Variants in CDH6 observed in about 807,000 individuals in gnomAD.
CDH6 encodes cadherin 6.
In CDH6, 31 loss-of-function variants were observed where a neutral mutation model predicts 78.0. That is an observed-to-expected ratio of 0.40 (90% confidence interval 0.30 to 0.54). The LOEUF is 0.54. Among genes scored for constraint, CDH6 ranks in the 20% least tolerant of loss-of-function variants. CDH6 has a pLI of 0.56. For synonymous variants in CDH6, 376 were observed against 368.8 expected (o/e 1.02, Z -0.23); for missense variants, 724 against 975.9 (o/e 0.74, Z 3.44).
At chr5:31,305,690 T>A (rs77070278) in intron 7 of CDH6, among the ~76,000 whole-genome samples, 6 of 152,280 alleles carry the variant, frequency 3.9e-5, no homozygotes, top group Non-Finnish European at 7.4e-5. Context: ...AATCCGGAAG[T>A]TCCTTATAGG....
chr5:31,207,537 C>T (rs1740564753), intron 1 of CDH6, among the ~76,000 whole-genome samples: 1 of 152,196 alleles, frequency 6.6e-6, no homozygotes, highest in South Asian at 2.1e-4. Flanking sequence ...ACTGTAAAAA[C>T]ATCTTTTCAA....
At chr5:31,237,334 G>A (rs1741479854) in intron 1 of CDH6, among the ~76,000 whole-genome samples, 1 of 152,128 alleles carries the variant, frequency 6.6e-6, no homozygotes, top group South Asian at 2.1e-4. Flanking sequence ...GATGGCGATA[G>A]CCACATGGTT....
chr5:31,281,241 T>A (rs1294746998), intron 2 of CDH6, among the ~76,000 whole-genome samples: 1 of 151,698 alleles, frequency 6.6e-6, no homozygotes, highest in East Asian at 1.9e-4. Context: ...AATTATCATA[T>A]CTCAAATGCC....
chr5:31,201,385 C>T (rs1740344732), intron 1 of CDH6, among the ~76,000 whole-genome samples: 1 of 151,820 alleles, frequency 6.6e-6, no homozygotes, highest in South Asian at 2.1e-4. Context: ...TCAGTGATTC[C>T]CCAGGAGACC....
intron 1 of CDH6, among the ~76,000 whole-genome samples, chr5:31,236,279 T>C (rs183572362): frequency 3.3e-5 from 5 of 152,312 alleles, no homozygotes; most frequent in African/African-American, 1.2e-4. Flanking sequence ...TCACATCAAT[T>C]ATCCTCATTG....
intron 4 of CDH6, among the ~76,000 whole-genome samples, chr5:31,299,136 T>C (rs1449197515): frequency 6.6e-6 from 1 of 152,228 alleles, no homozygotes; most frequent in Non-Finnish European, 1.5e-5. Flanking sequence ...TGCTGTGTCA[T>C]CTTATAACAC....
chr5:31,294,348 T>C lies in CDH6; in HGVS notation c.523+92T>C. On this transcript the variant is annotated intron_variant, in intron 3 of 11. Transcript: ENST00000265071. The surrounding 1 kb of genome is among the most constrained non-coding windows in gnomAD (Gnocchi z 4.1). ...CACGAGCTCAAAGTACTGAACTGCA[T>C]GAATTTAGATGCTAACTTCTTCAAT... is the stretch of plus-strand genomic sequence containing the variant. 1 of 948,690 alleles carries C rather than the reference T, an allele frequency of 1.1e-6. No homozygotes were observed. The highest frequency in any genetic ancestry group is 1.6e-6 in the Non-Finnish European group (1 of 613,388). The allele number at this position is 948,690 out of a possible 1,614,324, so 58.8% of individuals were successfully genotyped here. A position where few individuals can be genotyped will look rare whatever the true frequency, so the allele number is the denominator to read the frequency against.
intron 1 of CDH6, among the ~76,000 whole-genome samples, chr5:31,207,087 T>G (rs1220787309): frequency 6.6e-6 from 1 of 152,132 alleles, no homozygotes; most frequent in African/African-American, 2.4e-5. Context: ...AATTTAGGAT[T>G]GAGGTGATAG....
chr5:31,317,579 A>G, intron 10 of CDH6, 87 bp downstream of exon 10: 3 of 1,534,564 alleles, frequency 2.0e-6, no homozygotes, highest in Non-Finnish European at 2.7e-6. Flanking sequence ...GTATATGTAC[A>G]TATCTGTATC....
chr5:31,325,195 A>G lies in CDH6; in HGVS notation c.*1887A>G, dbSNP rs1325234793. On this transcript the variant is annotated 3_prime_UTR_variant, in exon 12 of 12. Transcript: ENST00000265071. ...AGTGAAAATTTTTTACAATCATATT[A>G]TTCCTTGTGTCTTCTGAATGGTTTC... The G allele has an allele frequency of 4.4e-6, 1 of 228,906 alleles. No homozygotes were observed. Among genetic ancestry groups the G allele is most frequent in the Non-Finnish European group, 8.7e-6 (1 of 115,400 alleles). The allele number at this position is 228,906 out of a possible 1,614,324, so 14.2% of individuals were successfully genotyped here.
chr5:31,323,149 C>T lies in CDH6; in HGVS notation c.2214C>T (p.Tyr738=), dbSNP rs778720220. 1.9e-6 allele frequency: 3 copies of T among 1,614,198 alleles called. No homozygotes were observed. Among genetic ancestry groups the T allele is most frequent in the Non-Finnish European group, 1.7e-6 (2 of 1,180,020 alleles). ...TAPPYDSLAT[Y]AYEGTGSVAD... ...CGCCATACGACTCCTTGGCCACTTA[C>T]GCCTATGAAGGCACTGGCTCCGTGG... The change falls in exon 12 of 12, where the codon TAC becomes TAT. Residue 738 remains tyrosine, a synonymous_variant. Transcript: ENST00000265071.
At chr5:31,262,790 T>A (rs575261319) in intron 1 of CDH6, among the ~76,000 whole-genome samples, 6 of 152,190 alleles carry the variant, frequency 3.9e-5, no homozygotes, top group Non-Finnish European at 8.8e-5. Flanking sequence ...ATTTACTTCC[T>A]GACATCTACA....
At chr5:31,270,720 G>A (rs1016200528) in intron 2 of CDH6, among the ~76,000 whole-genome samples, 1 of 151,070 alleles carries the variant, frequency 6.6e-6, no homozygotes, top group African/African-American at 2.4e-5. Context: ...TTTTTGAGCT[G>A]GGGTCTTGCT....
In CDH6 at chr5:31,297,339, G is replaced by T; in HGVS notation, c.574G>T (p.Gly192Trp). 1 of 1,609,412 alleles carries T rather than the reference G, an allele frequency of 6.2e-7. No individual in the cohort carries two copies. Among genetic ancestry groups the T allele is most frequent in the Non-Finnish European group, 8.5e-7 (1 of 1,175,820 alleles). ...GACGGATGCAGATGATCCAACATATGGGAACAGTGCTAAAGTTGTCTACAG... is the reference window on the plus strand; with the variant it reads ...GACGGATGCAGATGATCCAACATATTGGAACAGTGCTAAAGTTGTCTACAG... ...TATDADDPTYGNSAKVVYSIL... is the reference protein window; with the variant it reads ...TATDADDPTYWNSAKVVYSIL... Residue 192 changes from glycine (G) to tryptophan (W), a missense_variant, in exon 4 of 12, where the codon GGG (glycine) becomes TGG (tryptophan). Physicochemically the swap from Gly to Trp is radical, Grantham distance 184. This residue lies in a region of CDH6 where 446 missense variants were observed against 684.5 expected (regional missense o/e 0.65). Transcript: ENST00000265071.
At position 31,321,067 on chromosome 5, in the gene CDH6, CTCTT is replaced by C. The variant is rs60888667; in HGVS notation, c.1883-1748_1883-1745del. ...TTTTTCTCCACCTTGTTCTGCTCTGCTCTTTCATGTTCATATTGCACTTATCACC... is the reference window on the plus strand; with the variant it reads ...TTTTTCTCCACCTTGTTCTGCTCTGCTCATGTTCATATTGCACTTATCACC... On this transcript the variant is annotated intron_variant, in intron 11 of 11. Transcript: ENST00000265071. 2.1e-4 allele frequency among the ~76,000 whole-genome samples: 32 copies of C among 151,958 alleles called. 1 individual carries two copies. The East Asian group carries it at 5.0e-3, about 24-fold the overall frequency.
At chr5:31,273,644 C>T (rs891298593) in intron 2 of CDH6, among the ~76,000 whole-genome samples, 3 of 152,106 alleles carry the variant, frequency 2.0e-5, no homozygotes, top group Non-Finnish European at 4.4e-5. Flanking sequence ...GTGAAAAAAA[C>T]CCGGAACATG....
chr5:31,227,784 C>A (rs1225264627), intron 1 of CDH6, among the ~76,000 whole-genome samples: 2 of 152,192 alleles, frequency 1.3e-5, no homozygotes, highest in African/African-American at 4.8e-5. Flanking sequence ...CTCCATCCCA[C>A]CTCCTGAGGG....
chr5:31,220,531 G>T (rs1740977663), intron 1 of CDH6, among the ~76,000 whole-genome samples: 1 of 151,994 alleles, frequency 6.6e-6, no homozygotes, highest in Non-Finnish European at 1.5e-5. Context: ...TGAACTAGGT[G>T]CTAAGTATAC....
At chr5:31,245,455 G>T (rs761863043) in intron 1 of CDH6, among the ~76,000 whole-genome samples, 1 of 148,588 alleles carries the variant, frequency 6.7e-6, no homozygotes, top group African/African-American at 2.5e-5. Flanking sequence ...TGTCTTTCCC[G>T]TCAGCTTACA....
Sources: gnomAD v4.1 joint callset for allele counts (sites outside exome capture counted in the v4.1 genomes callset) on GRCh38, gnomAD v4.1.1 for gene constraint, gnomAD v4.1.1 regional missense constraint, Gnocchi (gnomAD v3.1) non-coding constraint, MANE v1.5 for transcripts, NCBI Gene and HGNC (gene_info 2026-07-23, HGNC 2026-07-21) for gene names.